Variants in CATSPERT observed in about 807,000 individuals in gnomAD.
CATSPERT encodes the protein catsper channel auxiliary subunit tau.
chr2:201,505,871 GA>G, the CATSPERT span, among the ~76,000 whole-genome samples: 1 of 152,210 alleles, frequency 6.6e-6, no homozygotes, highest in African/African-American at 2.4e-5. Flanking sequence ...GAAAGTGGAT[GA>G]GGGGTATATA....
the CATSPERT span, chr2:201,537,488 A>C: frequency 6.3e-7 from 1 of 1,579,506 alleles, no homozygotes; most frequent in Non-Finnish European, 8.6e-7. Flanking sequence ...ATCTGCTTAA[A>C]CAATTAATAG....
the CATSPERT span, among the ~76,000 whole-genome samples, chr2:201,516,419 G>C: frequency 6.6e-6 from 1 of 152,196 alleles, no homozygotes; most frequent in Non-Finnish European, 1.5e-5. Flanking sequence ...CAGCAGGAGA[G>C]AGTGGGTGAG....
the CATSPERT span, among the ~76,000 whole-genome samples, chr2:201,541,551 AT>A: frequency 2.2e-4 from 20 of 89,398 alleles, 1 homozygote; most frequent in African/African-American, 8.3e-4. Flanking sequence ...ATATATATAT[AT>A]ATATATATAT....
the CATSPERT span, among the ~76,000 whole-genome samples, chr2:201,522,665 T>C: frequency 6.6e-6 from 1 of 152,148 alleles, no homozygotes; most frequent in Non-Finnish European, 1.5e-5. Context: ...ACATTTGAGC[T>C]GGCAGGGAGA....
the CATSPERT span, chr2:201,537,525 T>C: frequency 7.4e-7 from 1 of 1,350,900 alleles, no homozygotes; most frequent in Non-Finnish European, 1.0e-6. Flanking sequence ...ATAAAAACAA[T>C]AAACACATAT....
chr2:201,589,968 TTTTATTTA>T, the CATSPERT span, among the ~76,000 whole-genome samples: 9 of 151,072 alleles, frequency 6.0e-5, no homozygotes, highest in African/African-American at 9.7e-5. Flanking sequence ...ATACTTTTCT[TTTTATTTA>T]TTTATTTATT....
At chr2:201,518,076 A>G in the CATSPERT span, among the ~76,000 whole-genome samples, 1 of 152,182 alleles carries the variant, frequency 6.6e-6, no homozygotes, top group African/African-American at 2.4e-5. Context: ...GACAGCTTCT[A>G]ACTCAGCCTG....
chr2:201,540,628 A>G, the CATSPERT span, among the ~76,000 whole-genome samples: 3 of 152,232 alleles, frequency 2.0e-5, no homozygotes, highest in South Asian at 2.1e-4. Flanking sequence ...CTATTCAGAA[A>G]AAAAGATACC....
At chr2:201,546,366 T>C in the CATSPERT span, among the ~76,000 whole-genome samples, 4 of 152,188 alleles carry the variant, frequency 2.6e-5, no homozygotes, top group Admixed American at 2.6e-4. Flanking sequence ...TATTTCTAAA[T>C]ATCAAACCTT....
chr2:201,582,455 C>A, the CATSPERT span, among the ~76,000 whole-genome samples: 1 of 152,094 alleles, frequency 6.6e-6, no homozygotes. Context: ...AAATGAAGAT[C>A]TTGCTTATAT....
At chr2:201,491,102 T>C in the CATSPERT span, 1 of 1,317,108 alleles carries the variant, frequency 7.6e-7, no homozygotes, top group Non-Finnish European at 1.0e-6. Context: ...TGCAGATATA[T>C]ACACCCTAAA....
chr2:201,509,716 ACTAT>A, the CATSPERT span, among the ~76,000 whole-genome samples: 17 of 151,000 alleles, frequency 1.1e-4, no homozygotes, highest in Admixed American at 6.6e-4. Flanking sequence ...TAGAAATTTT[ACTAT>A]CTTATTTTTC....
chr2:201,579,381 C>T, the CATSPERT span, among the ~76,000 whole-genome samples: 4 of 152,104 alleles, frequency 2.6e-5, no homozygotes, highest in Admixed American at 6.5e-5. Flanking sequence ...GCTGGTACTA[C>T]AGGCAGGTGT....
the CATSPERT span, among the ~76,000 whole-genome samples, chr2:201,562,668 C>T: frequency 2.1e-5 from 3 of 145,536 alleles, no homozygotes; most frequent in African/African-American, 5.1e-5. Flanking sequence ...TGCAGCCTTC[C>T]GCAGCGTTTG....
At chr2:201,488,308 C>T in the CATSPERT span, among the ~76,000 whole-genome samples, 14 of 152,176 alleles carry the variant, frequency 9.2e-5, 1 homozygote, top group Non-Finnish European at 4.4e-5. Context: ...TCTCTCTCTC[C>T]GACCCCAAAT....
chr2:201,564,273 C>G, the CATSPERT span, among the ~76,000 whole-genome samples: 540 of 152,232 alleles, frequency 3.5e-3, 7 homozygotes, highest in African/African-American at 0.012. Flanking sequence ...GTGCTCCTAG[C>G]CCAGCTGGCT....
chr2:201,516,441 T>C, the CATSPERT span, among the ~76,000 whole-genome samples: 10 of 152,166 alleles, frequency 6.6e-5, no homozygotes, highest in South Asian at 1.2e-3. Context: ...GAAGGGGAAG[T>C]GCCACACTTT....
the CATSPERT span, among the ~76,000 whole-genome samples, chr2:201,605,772 AACAAGC>A: frequency 6.6e-6 from 1 of 152,246 alleles, no homozygotes; most frequent in Non-Finnish European, 1.5e-5. Context: ...AGTATCTTCA[AACAAGC>A]ATTTGGAGAT....
chr2:201,612,277 C>T, the CATSPERT span, among the ~76,000 whole-genome samples: 1 of 152,000 alleles, frequency 6.6e-6, no homozygotes, highest in African/African-American at 2.4e-5. Context: ...TAGAGGGTTT[C>T]AAAAGGATTA....
Sources: allele counts gnomAD v4.1 joint callset (sites outside exome capture counted in the v4.1 genomes callset), GRCh38; gene constraint gnomAD v4.1.1; transcripts MANE v1.5; gene names NCBI Gene and HGNC (gene_info 2026-07-23, HGNC 2026-07-21).